The following CFAP20DC variants were observed in gnomAD, a reference collection of about 807,000 sequenced individuals.
CFAP20DC encodes protein CFAP20DC.
A neutral mutation model predicts 101.7 loss-of-function variants in CFAP20DC; 84 were observed. The observed-to-expected ratio is 0.83, with a 90% CI of 0.69 to 0.99. The LOEUF is 0.99. Ranked by LOEUF, CFAP20DC falls within the 50% of genes least tolerant of loss-of-function variation. CFAP20DC has a pLI of 0.00. For synonymous variants in CFAP20DC, 359 were observed against 351.2 expected, an observed-to-expected ratio of 1.02 and a Z score of -0.25; for missense variants, 1,007 against 970.3, an observed-to-expected ratio of 1.04 and a Z score of -0.50.
chr3:59,024,222 T>C lies in CFAP20DC; in HGVS notation c.278+15335A>G, dbSNP rs184558309. Among the ~76,000 whole-genome samples the C allele has an allele frequency of 5.5e-4, 83 of 152,248 alleles. 1 individual carries two copies. Among genetic ancestry groups the C allele is most frequent in the Non-Finnish European group, 3.2e-4 (22 of 67,980 alleles). On this transcript the variant is annotated intron_variant, in intron 4 of 16. Transcript: ENST00000482387. ...CTAATAATGCAAAGAATTAGAAAAC[T>C]ACTGAAAGAAGGAAATTAACATTTA... is the stretch of plus-strand genomic sequence containing the variant.
chr3:58,930,780 G>C (rs949280331), intron 5 of CFAP20DC, among the ~76,000 whole-genome samples: 3 of 152,046 alleles, frequency 2.0e-5, no homozygotes, highest in South Asian at 2.1e-4. Flanking sequence ...AATTTAAGCA[G>C]GACTGGCAGC....
At chr3:59,048,654 G>A (rs1312200255) in intron 1 of CFAP20DC, among the ~76,000 whole-genome samples, 13 of 152,320 alleles carry the variant, frequency 8.5e-5, no homozygotes. Flanking sequence ...AGAAGAAAGA[G>A]AACTGCAGAC....
At chr3:58,888,291 G>A (rs555800642) in intron 6 of CFAP20DC, among the ~76,000 whole-genome samples, 5 of 152,194 alleles carry the variant, frequency 3.3e-5, no homozygotes, top group East Asian at 1.9e-4. Context: ...TGTGCCAGGC[G>A]TATGTCTAAT....
intron 12 of CFAP20DC, among the ~76,000 whole-genome samples, chr3:58,850,280 T>C (rs922534930): frequency 6.6e-6 from 1 of 152,054 alleles, no homozygotes; most frequent in Non-Finnish European, 1.5e-5. Context: ...TTCTTCGAAT[T>C]TGACTCATTT....
At position 58,975,162 on chromosome 3, in the gene CFAP20DC, C is replaced by T. The variant is rs113357313; in HGVS notation, c.279-37400G>A. 5.3e-3 allele frequency among the ~76,000 whole-genome samples: 800 copies of T among 152,184 alleles called. 2 individuals carry two copies. The highest frequency in any genetic ancestry group is 0.024 in the Middle Eastern group (7 of 294). On this transcript the variant is annotated intron_variant, in intron 4 of 16. Coordinates refer to ENST00000482387, the MANE Select transcript of CFAP20DC (RefSeq NM_001394063.1). ...TTTTTTTTTCAGCGGGTACACTATG[C>T]TTTCTACTCTTCACATGACTAGTTC...
At chr3:58,980,857 G>A (rs1335991616) in intron 4 of CFAP20DC, among the ~76,000 whole-genome samples, 1 of 152,142 alleles carries the variant, frequency 6.6e-6, no homozygotes, top group African/African-American at 2.4e-5. Flanking sequence ...TCTGGCCAGG[G>A]CAATTAGGCA....
intron 4 of CFAP20DC, among the ~76,000 whole-genome samples, chr3:58,990,754 GGTGTGTGTGTGTGTGTGTGT>G (rs71091398): frequency 6.9e-6 from 1 of 143,928 alleles, no homozygotes; most frequent in East Asian, 2.0e-4. Context: ...ATGCTCAGCT[GGTGTGTGTGTGTGTGTGTGT>G]GTGTGTGTGT....
intron 4 of CFAP20DC, among the ~76,000 whole-genome samples, chr3:58,940,210 T>C (rs2088339606): frequency 6.6e-6 from 1 of 152,198 alleles, no homozygotes; most frequent in Non-Finnish European, 1.5e-5. Context: ...GGAAAATTGC[T>C]GGGAGTACGT....
intron 4 of CFAP20DC, among the ~76,000 whole-genome samples, chr3:58,940,308 T>C (rs7643218): frequency 1.3e-5 from 2 of 152,240 alleles, no homozygotes; most frequent in Non-Finnish European, 2.9e-5. Context: ...TCATGAAATA[T>C]AGTTTACCAT....
At chr3:58,797,690 G>A (rs565476838) in intron 15 of CFAP20DC, among the ~76,000 whole-genome samples, 97 of 152,264 alleles carry the variant, frequency 6.4e-4, no homozygotes, top group Non-Finnish European at 1.2e-3. Context: ...ATGACATCTA[G>A]GACTTCCATT....
At chr3:58,825,363 G>T (rs2075969532) in intron 14 of CFAP20DC, among the ~76,000 whole-genome samples, 1 of 152,092 alleles carries the variant, frequency 6.6e-6, no homozygotes, top group South Asian at 2.1e-4. Context: ...CATTCGATTT[G>T]CATAATGCCA....
chr3:58,841,119 A>C (rs1243124266), intron 13 of CFAP20DC, among the ~76,000 whole-genome samples: 1 of 152,234 alleles, frequency 6.6e-6, no homozygotes, highest in African/African-American at 2.4e-5. Flanking sequence ...AGGAGGGAGA[A>C]CCACCCCTAA....
intron 16 of CFAP20DC, among the ~76,000 whole-genome samples, chr3:58,749,810 A>G (rs2068446386): frequency 6.6e-6 from 1 of 152,224 alleles, no homozygotes; most frequent in Non-Finnish European, 1.5e-5. Flanking sequence ...TCTTTGAGCA[A>G]AGTATGGTTC....
chr3:58,806,382 T>C lies in CFAP20DC; in HGVS notation c.2237+13A>G. The C allele has an allele frequency of 6.5e-7, 1 of 1,542,518 alleles. No individual in the cohort carries two copies. Among genetic ancestry groups the C allele is most frequent in the South Asian group, 1.1e-5 (1 of 89,470 alleles). Reference sequence around the variant, plus strand: ...TTTTTTTTTCTTAAATGTAGATTATTAATGATTCTTACCGGGGATTAGAAG... The same window carrying C: ...TTTTTTTTTCTTAAATGTAGATTATCAATGATTCTTACCGGGGATTAGAAG... On this transcript the variant is annotated intron_variant, in intron 15 of 16. Coordinates refer to ENST00000482387, the MANE Select transcript of CFAP20DC (RefSeq NM_001394063.1).
chr3:58,863,985 T>C lies in CFAP20DC; in HGVS notation c.1259-93A>G. On this transcript the variant is annotated intron_variant, in intron 11 of 16. Transcript: ENST00000482387. The surrounding 1 kb of genome is among the most constrained non-coding windows in gnomAD (Gnocchi z 5.9). ...TTTTTAGTTTTAGTTTTTGAGACAG[T>C]CTCACTCTGCCGCCTAGGCTGCAGT... The C allele has an allele frequency of 8.0e-7, 1 of 1,252,118 alleles. No homozygotes were observed. Among genetic ancestry groups the C allele is most frequent in the Non-Finnish European group, 1.1e-6 (1 of 935,056 alleles). 77.6% of individuals were successfully genotyped at this position (1,252,118 alleles called of 1,614,324 possible). A position where few individuals can be genotyped will look rare whatever the true frequency, so the allele number is the denominator to read the frequency against.
rs115437044 is a variant in CFAP20DC, at chr3:58,897,078, T to C, written c.551-12369A>G. On this transcript the variant is annotated intron_variant, in intron 6 of 16. Transcript: ENST00000482387. This position sits in a 1 kb window ranked among gnomAD's most constrained non-coding sequence, Gnocchi z 4.4. ...TGAACCTGCATGCTCCTGTATTGGG[T>C]GCATATGTATTTAGGATTGTTAGCA... is the stretch of plus-strand genomic sequence containing the variant. Among the ~76,000 whole-genome samples the C allele has an allele frequency of 6.9e-3, 1,056 of 152,334 alleles. 14 individuals are homozygous for C. Among genetic ancestry groups the C allele is most frequent in the African/African-American group, 0.024 (1,008 of 41,572 alleles).
intron 13 of CFAP20DC, among the ~76,000 whole-genome samples, chr3:58,833,262 C>T (rs538695597): frequency 6.6e-6 from 1 of 152,230 alleles, no homozygotes; most frequent in South Asian, 2.1e-4. Flanking sequence ...TAGTTCATGG[C>T]ACAAGCAGCT....
chr3:58,770,320 T>G (rs2070724101), intron 15 of CFAP20DC, among the ~76,000 whole-genome samples: 1 of 152,206 alleles, frequency 6.6e-6, no homozygotes, highest in Admixed American at 6.5e-5. Context: ...TAGTAGATGT[T>G]TATCGAGCCC....
intron 4 of CFAP20DC, among the ~76,000 whole-genome samples, chr3:59,028,474 T>C (rs2093931434): frequency 6.6e-6 from 1 of 152,196 alleles, no homozygotes; most frequent in Admixed American, 6.5e-5. Flanking sequence ...CTTGAGAAGA[T>C]ATAAAAGGCT....
Sources: allele counts gnomAD v4.1 joint callset (sites outside exome capture counted in the v4.1 genomes callset), GRCh38; gene constraint gnomAD v4.1.1; non-coding constraint Gnocchi (gnomAD v3.1); transcripts MANE v1.5; gene names NCBI Gene and HGNC (gene_info 2026-07-23, HGNC 2026-07-21).